The following STAT1 variants were observed in gnomAD, a reference collection of about 807,000 sequenced individuals.
The protein encoded by STAT1 is signal transducer and activator of transcription 1-alpha/beta.
Under a neutral mutation model 111.7 loss-of-function variants are expected in STAT1, and 24 were observed. That is an observed-to-expected ratio of 0.21 (90% confidence interval 0.16 to 0.30). The LOEUF (loss-of-function observed/expected upper bound fraction) is 0.30, where lower values mean the gene tolerates loss of function less well. STAT1 is among the 10% of genes least tolerant of loss of function. The pLI is 1.00. For missense variants in STAT1, 351 were observed against 911.9 expected (o/e 0.38, Z 7.92); for synonymous variants, 332 against 326.5 (o/e 1.02, Z -0.18).
At position 190,974,841 on chromosome 2, in the gene STAT1, A is replaced by G; in HGVS notation, c.2227T>C (p.Phe743Leu). 4.3e-6 allele frequency: 7 copies of G among 1,614,084 alleles called. No homozygotes were observed. Among genetic ancestry groups the G allele is most frequent in the South Asian group, 1.1e-5 (1 of 91,086 alleles). ...GCCGTGGTACTCACCATACTGTCGAATTCTACAGAGCCCACTATCCGAGAC... is the reference window on the plus strand; with the variant it reads ...GCCGTGGTACTCACCATACTGTCGAGTTCTACAGAGCCCACTATCCGAGAC... ...EVSRIVGSVE[F>L]DSMMNTV The change falls in exon 24 of 25, where the codon TTC (phenylalanine) becomes CTC (leucine). Residue 743 changes from phenylalanine (F) to leucine (L), a missense_variant. Phe to Leu is a conservative substitution (Grantham distance 22, BLOSUM62 0). Transcript: ENST00000361099. This position sits in a 1 kb window ranked among gnomAD's most constrained non-coding sequence, Gnocchi z 4.8.
chr2:191,005,498 A>G (rs946172639), intron 5 of STAT1, among the ~76,000 whole-genome samples: 2 of 152,184 alleles, frequency 1.3e-5, no homozygotes, highest in Admixed American at 6.5e-5. Flanking sequence ...CACAAATAAC[A>G]TTGTGTTACA....
At chr2:191,001,287 C>T (rs1694249827) in intron 5 of STAT1, 124 bp from the exon 6 acceptor site, 1 of 759,156 alleles carries the variant, frequency 1.3e-6, no homozygotes, top group Non-Finnish European at 2.4e-6. Flanking sequence ...AGGCTTCCTG[C>T]TTATGTGTCA....
chr2:190,998,624 T>C lies in STAT1; in HGVS notation c.542-316A>G, dbSNP rs549907348. Among the ~76,000 whole-genome samples, 1 of 150,086 alleles carries C rather than the reference T, an allele frequency of 6.7e-6. No homozygotes were observed. The highest frequency in any genetic ancestry group is 1.5e-5 in the Non-Finnish European group (1 of 67,740). Reference sequence around the variant, plus strand: ...TTGGAGTGAGCCGAGATCTCGCCACTGCACTCTAGCCTGGGCGACAGAGCG... The same window carrying C: ...TTGGAGTGAGCCGAGATCTCGCCACCGCACTCTAGCCTGGGCGACAGAGCG... On this transcript the variant is annotated intron_variant, in intron 7 of 24. Transcript: ENST00000361099. The surrounding 1 kb of genome is among the most constrained non-coding windows in gnomAD (Gnocchi z 4.1).
At position 191,003,675 on chromosome 2, in the gene STAT1, G is replaced by A. The variant is rs537514173; in HGVS notation, c.373-2512C>T. 5.6e-5 allele frequency among the ~76,000 whole-genome samples: 8 copies of A among 142,358 alleles called. No homozygotes were observed. Among genetic ancestry groups the A allele is most frequent in the Admixed American group, 2.3e-4 (3 of 13,158 alleles). 93.4% of individuals were successfully genotyped at this position (142,358 alleles called of 152,430 possible). ...AGGCCTCCCCAGAAACTGAGCAGAT[G>A]CCAGCACCATGCTTCCTGTAACAGC... On this transcript the variant is annotated intron_variant, in intron 5 of 24. Transcript: ENST00000361099. The surrounding 1 kb of genome is among the most constrained non-coding windows in gnomAD (Gnocchi z 4.0).
In STAT1 at chr2:190,978,822, A is replaced by T; in HGVS notation, c.1873+34T>A. On this transcript the variant is annotated intron_variant, in intron 21 of 24. Transcript: ENST00000361099. This position sits in a 1 kb window ranked among gnomAD's most constrained non-coding sequence, Gnocchi z 6.1. ...ATGAAGAGGGACTTCACACACATGG[A>T]ATGGTGGGACTATGTGCTCAAACTC... 6.2e-7 allele frequency: 1 copy of T among 1,612,140 alleles called. No individual in the cohort carries two copies. Among genetic ancestry groups the T allele is most frequent in the African/African-American group, 1.3e-5 (1 of 74,996 alleles).
Position 190,978,780 on chromosome 2 carries a change from T to A in STAT1, c.1873+76A>T. The A allele has an allele frequency of 6.4e-7, 1 of 1,574,264 alleles. No homozygotes were observed. Among genetic ancestry groups the A allele is most frequent in the East Asian group, 2.3e-5 (1 of 43,766 alleles). On this transcript the variant is annotated intron_variant, in intron 21 of 24. Transcript: ENST00000361099. The surrounding 1 kb of genome is among the most constrained non-coding windows in gnomAD (Gnocchi z 6.1). ...TCATGTCCCAAACGCACTATCTGTA[T>A]GAGCTGACTGGCGGCGATGAAGAGG...
intron 24 of STAT1, among the ~76,000 whole-genome samples, chr2:190,972,109 C>G (rs1691529552): frequency 6.6e-6 from 1 of 152,172 alleles, no homozygotes; most frequent in Non-Finnish European, 1.5e-5. Context: ...AGAGGAAGCC[C>G]AGATTCAGAT....
intron 3 of STAT1, 121 bp downstream of exon 3, chr2:191,009,755 A>G (rs1694986684): frequency 7.2e-6 from 10 of 1,394,310 alleles, no homozygotes; most frequent in Middle Eastern, 1.9e-4. Flanking sequence ...CTTTTCTACA[A>G]CAAATAATTC....
chr2:190,998,802 GTTA>G lies in STAT1; in HGVS notation c.542-497_542-495del, dbSNP rs141805447. Among the ~76,000 whole-genome samples, 4 of 151,160 alleles carry G rather than the reference GTTA, an allele frequency of 2.6e-5. No individual in the cohort carries two copies. Among genetic ancestry groups the G allele is most frequent in the East Asian group, 1.9e-4 (1 of 5,184 alleles). ...AAATGTAAATAACATTAATAATAATGTTATTATTATTATAAAAATAAATGTAAA... is the reference window on the plus strand; with the variant it reads ...AAATGTAAATAACATTAATAATAATGTTATTATTATAAAAATAAATGTAAA... On this transcript the variant is annotated intron_variant, in intron 7 of 24. Transcript: ENST00000361099. The surrounding 1 kb of genome is among the most constrained non-coding windows in gnomAD (Gnocchi z 4.1).
rs1186307314 is a variant in STAT1 at position 190,998,651 on chromosome 2, G to A, written c.542-343C>T. Reference sequence around the variant, plus strand: ...CACTCTAGCCTGGGCGACAGAGCGAGACTCCGTCTCCAAAAAAAAACAAAA... The same window carrying A: ...CACTCTAGCCTGGGCGACAGAGCGAAACTCCGTCTCCAAAAAAAAACAAAA... On this transcript the variant is annotated intron_variant, in intron 7 of 24. Transcript: ENST00000361099. This position sits in a 1 kb window ranked among gnomAD's most constrained non-coding sequence, Gnocchi z 4.1. Among the ~76,000 whole-genome samples the A allele has an allele frequency of 5.4e-5, 8 of 147,310 alleles. No individual in the cohort carries two copies. The highest frequency in any genetic ancestry group is 2.0e-4 in the African/African-American group (8 of 39,850).
Position 190,986,995 on chromosome 2 carries a change from T to C in STAT1, c.1127+44A>G, listed in dbSNP as rs1692887995. 2.5e-6 allele frequency: 4 copies of C among 1,610,948 alleles called. No homozygotes were observed. The highest frequency in any genetic ancestry group is 3.4e-6 in the Non-Finnish European group (4 of 1,177,258). ...GCTGAAAAGTCTTCCAACTATTAAA[T>C]AAATAAAAATATAGCACAGTATAGC... On this transcript the variant is annotated intron_variant, in intron 13 of 24. Coordinates refer to ENST00000361099, the MANE Select transcript of STAT1 (RefSeq NM_007315.4). This position sits in a 1 kb window ranked among gnomAD's most constrained non-coding sequence, Gnocchi z 5.0.
At position 191,003,581 on chromosome 2, in the gene STAT1, T is replaced by C. The variant is rs1210571908; in HGVS notation, c.373-2418A>G. ...TAAGTGTGGAGCACCTCTCCCCTGC[T>C]TCCTCCTGCTCTGGCCATGTGATAT... On this transcript the variant is annotated intron_variant, in intron 5 of 24. Transcript: ENST00000361099. The surrounding 1 kb of genome is among the most constrained non-coding windows in gnomAD (Gnocchi z 4.0). Among the ~76,000 whole-genome samples, 2 of 152,212 alleles carry C rather than the reference T, an allele frequency of 1.3e-5. No homozygotes were observed. Among genetic ancestry groups the C allele is most frequent in the African/African-American group, 4.8e-5 (2 of 41,448 alleles).
chr2:190,995,439 TC>T lies in STAT1; in HGVS notation c.786-221del, dbSNP rs1169113735. Among the ~76,000 whole-genome samples the T allele has an allele frequency of 6.6e-6, 1 of 152,174 alleles. No homozygotes were observed. Among genetic ancestry groups the T allele is most frequent in the Non-Finnish European group, 1.5e-5 (1 of 68,038 alleles). On this transcript the variant is annotated intron_variant, in intron 9 of 24. Coordinates refer to ENST00000361099, the MANE Select transcript of STAT1 (RefSeq NM_007315.4). This position sits in a 1 kb window ranked among gnomAD's most constrained non-coding sequence, Gnocchi z 4.2. ...AAGGCAAATGAGGAGCAAAGTCACA[TC>T]TTACATGGTGGCAGGCAAGAGAGTT... is the stretch of plus-strand genomic sequence containing the variant.
Position 190,971,928 on chromosome 2 carries a change from G to T in STAT1, c.2239-1211C>A, listed in dbSNP as rs1691511101. On this transcript the variant is annotated intron_variant, in intron 24 of 24. Coordinates refer to ENST00000361099, the MANE Select transcript of STAT1 (RefSeq NM_007315.4). The surrounding 1 kb of genome is among the most constrained non-coding windows in gnomAD (Gnocchi z 4.1). ...GGGTTTCACCGTGTTGGCCAGGCTG[G>T]TCTCAAACTCCTGATCGCAGGTGAT... Among the ~76,000 whole-genome samples the T allele has an allele frequency of 6.6e-6, 1 of 152,048 alleles. No homozygotes were observed. Among genetic ancestry groups the T allele is most frequent in the Non-Finnish European group, 1.5e-5 (1 of 68,010 alleles).
In STAT1 at chr2:190,976,060, C is replaced by T. The variant is rs1005250212; in HGVS notation, c.2060-173G>A. On this transcript the variant is annotated intron_variant, in intron 22 of 24. Transcript: ENST00000361099. The surrounding 1 kb of genome is among the most constrained non-coding windows in gnomAD (Gnocchi z 6.0). ...GTCACCTAAAATTCTAGTGGGAATG[C>T]AGAAACAACGAGAAGAAGGATCTGA... Among the ~76,000 whole-genome samples, 2 of 152,160 alleles carry T rather than the reference C, an allele frequency of 1.3e-5. No individual in the cohort carries two copies. The highest frequency in any genetic ancestry group is 2.9e-5 in the Non-Finnish European group (2 of 68,018).
At chr2:190,994,988 T>A in intron 10 of STAT1, 73 bp downstream of exon 10, 1 of 1,285,936 alleles carries the variant, frequency 7.8e-7, no homozygotes, top group East Asian at 2.5e-5. Flanking sequence ...TTGTAAATCA[T>A]CTGAATTAAC....
rs1306894034 is a variant in STAT1, at chr2:190,979,923, T to C, written c.1633-57A>G. ...AAAAATCTAAAACAATGACTTACCATGGCCCCTCCCACCATCATTTGCAAA... is the reference window on the plus strand; with the variant it reads ...AAAAATCTAAAACAATGACTTACCACGGCCCCTCCCACCATCATTTGCAAA... On this transcript the variant is annotated intron_variant, in intron 19 of 24. Coordinates refer to ENST00000361099, the MANE Select transcript of STAT1 (RefSeq NM_007315.4). The surrounding 1 kb of genome is among the most constrained non-coding windows in gnomAD (Gnocchi z 5.8). 2.7e-5 allele frequency: 32 copies of C among 1,192,086 alleles called. No homozygotes were observed. Among genetic ancestry groups the C allele is most frequent in the Non-Finnish European group, 3.1e-5 (25 of 805,346 alleles). The allele number at this position is 1,192,086 out of a possible 1,614,324, so 73.8% of individuals were successfully genotyped here. A position where few individuals can be genotyped will look rare whatever the true frequency, so the allele number is the denominator to read the frequency against.
rs1243118956 is a variant in STAT1, at chr2:190,997,439, C to T, written c.785+417G>A. On this transcript the variant is annotated intron_variant, in intron 9 of 24. Transcript: ENST00000361099. The surrounding 1 kb of genome is among the most constrained non-coding windows in gnomAD (Gnocchi z 7.3). The stretch of plus-strand genomic sequence containing the variant: ...TTGTGTGCCCAGGTCCTACAGTGCC[C>T]GGCACACAGTAGGCATTTAATAAGT... 2.6e-5 allele frequency among the ~76,000 whole-genome samples: 4 copies of T among 152,168 alleles called. No individual in the cohort carries two copies. The highest frequency in any genetic ancestry group is 7.2e-5 in the African/African-American group (3 of 41,444).
rs59132638 is a variant in STAT1 at position 191,003,410 on chromosome 2, A to T, written c.373-2247T>A. Among the ~76,000 whole-genome samples, 7,537 of 152,254 alleles carry T rather than the reference A, an allele frequency of 0.05. 342 individuals carry two copies. The highest frequency in any genetic ancestry group is 0.12 in the Admixed American group (1,851 of 15,298). On this transcript the variant is annotated intron_variant, in intron 5 of 24. Coordinates refer to ENST00000361099, the MANE Select transcript of STAT1 (RefSeq NM_007315.4). This position sits in a 1 kb window ranked among gnomAD's most constrained non-coding sequence, Gnocchi z 4.0. ...TGACATGGTTTGGATCTGTGTCCCCACCCAAATCTCATGAATTGTAATCCC... is the reference window on the plus strand; with the variant it reads ...TGACATGGTTTGGATCTGTGTCCCCTCCCAAATCTCATGAATTGTAATCCC...
Sources: gnomAD v4.1 joint callset for allele counts (sites outside exome capture counted in the v4.1 genomes callset) on GRCh38, gnomAD v4.1.1 for gene constraint, Gnocchi (gnomAD v3.1) non-coding constraint, MANE v1.5 for transcripts, NCBI Gene and HGNC (gene_info 2026-07-23, HGNC 2026-07-21) for gene names.